Variants in MICU1 observed in about 807,000 individuals in gnomAD.
MICU1 encodes mitochondrial calcium uptake 1.
A neutral mutation model predicts 56.8 loss-of-function variants in MICU1; 45 were observed. The observed-to-expected ratio is 0.79, with a 90% CI of 0.62 to 1.02. MICU1 has a LOEUF of 1.02. Among genes scored for constraint, MICU1 ranks in the 50% least tolerant of loss-of-function variants. The pLI, the probability that MICU1 is intolerant of heterozygous loss-of-function variation, is 0.00. For missense variants in MICU1, 504 were observed against 587.1 expected (o/e 0.86, Z 1.46); for synonymous variants, 186 against 195.1 (o/e 0.95, Z 0.39).
intron 4 of MICU1, among the ~76,000 whole-genome samples, chr10:72,540,517 A>G (rs555419903): frequency 6.6e-6 from 1 of 152,256 alleles, no homozygotes; most frequent in Admixed American, 6.5e-5. Flanking sequence ...TCTACAAAAA[A>G]AAAATTTAAT....
chr10:72,384,925 T>C (rs1862836442), intron 10 of MICU1, among the ~76,000 whole-genome samples: 1 of 152,160 alleles, frequency 6.6e-6, no homozygotes, highest in Non-Finnish European at 1.5e-5. Flanking sequence ...TAGGAGCTTT[T>C]TTCCTGTTGT....
intron 8 of MICU1, among the ~76,000 whole-genome samples, chr10:72,471,190 T>G (rs1865940039): frequency 6.6e-6 from 1 of 152,148 alleles, no homozygotes; most frequent in Admixed American, 6.5e-5. Flanking sequence ...GTTCAAGCGA[T>G]TCCCCTGCCT....
chr10:72,461,199 C>T (rs994416401), intron 8 of MICU1, among the ~76,000 whole-genome samples: 4 of 152,150 alleles, frequency 2.6e-5, no homozygotes, highest in African/African-American at 2.4e-5. Flanking sequence ...AAAACCTAGA[C>T]GATCTATCAA....
rs71018299 is a variant in MICU1 at position 72,492,789 on chromosome 10, GAATAA to G, written c.652+15361_652+15365del. Among the ~76,000 whole-genome samples the G allele has an allele frequency of 1.3e-3, 181 of 135,288 alleles. 1 individual carries two copies. Among genetic ancestry groups the G allele is most frequent in the East Asian group, 6.6e-3 (32 of 4,826 alleles). The allele number at this position is 135,288 out of a possible 152,430, so 88.8% of individuals were successfully genotyped here. A position where few individuals can be genotyped will look rare whatever the true frequency, so the allele number is the denominator to read the frequency against. ...AAATAAATAAAATAAAAATAGAATA[GAATAA>G]AATAAAATAAAATAAAATAAAATAA... On this transcript the variant is annotated intron_variant, in intron 6 of 11. Transcript: ENST00000361114.
intron 11 of MICU1, 61 bp from the exon 12 acceptor site, chr10:72,368,416 T>C (rs1012017011): frequency 4.5e-6 from 7 of 1,552,436 alleles, no homozygotes; most frequent in East Asian, 2.3e-5. Context: ...ACCACTGATA[T>C]AATTCCATTG....
intron 5 of MICU1, among the ~76,000 whole-genome samples, chr10:72,526,105 A>T (rs1867955012): frequency 6.6e-6 from 1 of 152,200 alleles, no homozygotes; most frequent in Admixed American, 6.5e-5. Flanking sequence ...TATGGTATAT[A>T]AAAAAGAACT....
intron 5 of MICU1, among the ~76,000 whole-genome samples, chr10:72,517,849 A>C (rs1867696976): frequency 6.6e-6 from 1 of 151,682 alleles, no homozygotes; most frequent in African/African-American, 2.4e-5. Context: ...GATGGTGTTT[A>C]ATCTTTTACT....
At chr10:72,503,962 C>T (rs1867160849) in intron 6 of MICU1, among the ~76,000 whole-genome samples, 1 of 151,812 alleles carries the variant, frequency 6.6e-6, no homozygotes, top group Non-Finnish European at 1.5e-5. Context: ...AACCACAAAA[C>T]ACTGCTGAAA....
In MICU1 at chr10:72,367,997, T is replaced by G. The variant is rs1862200729; in HGVS notation, c.*198A>C. On this transcript the variant is annotated 3_prime_UTR_variant, in exon 12 of 12. Coordinates refer to ENST00000361114, the MANE Select transcript of MICU1 (RefSeq NM_001195518.2). ...TCATGTTTTTGAGAACCTATGGGGA[T>G]ACTCATTGGGCAGAATCAGAGCCCA... 1.1e-5 allele frequency: 6 copies of G among 552,076 alleles called. No individual in the cohort carries two copies. Among genetic ancestry groups the G allele is most frequent in the Non-Finnish European group, 1.9e-5 (6 of 312,112 alleles). The allele number at this position is 552,076 out of a possible 1,614,324, so 34.2% of individuals were successfully genotyped here. A position where few individuals can be genotyped will look rare whatever the true frequency, so the allele number is the denominator to read the frequency against.
chr10:72,588,164 TTC>T (rs752383000), intron 1 of MICU1, among the ~76,000 whole-genome samples: 26 of 152,202 alleles, frequency 1.7e-4, no homozygotes, highest in Non-Finnish European at 2.9e-5. Context: ...CTTCCCCCTC[TTC>T]TCTCTCTCCT....
intron 1 of MICU1, among the ~76,000 whole-genome samples, chr10:72,597,013 A>C (rs183188246): frequency 2.2e-4 from 33 of 152,314 alleles, no homozygotes; most frequent in Admixed American, 3.9e-4. Flanking sequence ...CAAGATAAAA[A>C]TAGGGGAAAT....
intron 10 of MICU1, 55 bp downstream of exon 10, chr10:72,407,874 A>C: frequency 4.3e-6 from 5 of 1,164,178 alleles, no homozygotes; most frequent in Non-Finnish European, 6.3e-6. Context: ...GTCACCTAAG[A>C]GATTACAGAT....
intron 9 of MICU1, among the ~76,000 whole-genome samples, chr10:72,421,853 CTG>C (rs1162627797): frequency 6.6e-6 from 1 of 152,210 alleles, no homozygotes; most frequent in Non-Finnish European, 1.5e-5. Context: ...TTCCATTGCA[CTG>C]TGAGTGAACT....
chr10:72,516,217 T>C (rs955276053), intron 5 of MICU1, among the ~76,000 whole-genome samples: 10 of 152,238 alleles, frequency 6.6e-5, no homozygotes, highest in Admixed American at 2.0e-4. Flanking sequence ...CATATGTTTG[T>C]TGGCCACAGA....
chr10:72,427,563 A>C (rs1358913921), intron 8 of MICU1, among the ~76,000 whole-genome samples: 1 of 152,030 alleles, frequency 6.6e-6, no homozygotes, highest in Non-Finnish European at 1.5e-5. Flanking sequence ...GACTCTGTCC[A>C]TCCCCCAGAG....
chr10:72,522,486 C>A (rs556191655), intron 5 of MICU1, among the ~76,000 whole-genome samples: 11 of 152,148 alleles, frequency 7.2e-5, no homozygotes, highest in African/African-American at 2.4e-4. Context: ...GTAAACTACA[C>A]CCTCCTTTGG....
intron 8 of MICU1, among the ~76,000 whole-genome samples, chr10:72,453,942 T>TGCA (rs1367976740): frequency 6.6e-6 from 1 of 151,986 alleles, no homozygotes; most frequent in Admixed American, 6.5e-5. Flanking sequence ...TTCAAGCGAT[T>TGCA]TTCTTGCCTC....
intron 10 of MICU1, among the ~76,000 whole-genome samples, chr10:72,378,077 C>T (rs935880541): frequency 1.3e-5 from 2 of 152,102 alleles, no homozygotes; most frequent in African/African-American, 4.8e-5. Context: ...TGGTGAAACC[C>T]TGTCTCTACT....
intron 6 of MICU1, among the ~76,000 whole-genome samples, chr10:72,498,279 G>T (rs1866912573): frequency 6.6e-6 from 1 of 152,100 alleles, no homozygotes; most frequent in South Asian, 2.1e-4. Flanking sequence ...ACTGATAAAT[G>T]AGGCCTAAGA....
Sources: allele counts gnomAD v4.1 joint callset (sites outside exome capture counted in the v4.1 genomes callset), GRCh38; gene constraint gnomAD v4.1.1; transcripts MANE v1.5; gene names NCBI Gene and HGNC (gene_info 2026-07-23, HGNC 2026-07-21).